ANKRD11: variants seen among roughly 807,000 people sequenced by gnomAD.
The protein encoded by ANKRD11 is ankyrin repeat domain-containing protein 11.
A neutral mutation model predicts 195.7 loss-of-function variants in ANKRD11; 17 were observed. The ratio of observed to expected loss-of-function variants is 0.09; its 90% CI spans 0.06 to 0.13. ANKRD11 has a LOEUF of 0.13. Ranked by LOEUF, ANKRD11 falls within the 10% of genes least tolerant of loss-of-function variation. The pLI is 1.00. For missense variants in ANKRD11, 3,735 were observed against 3,566.1 expected (o/e 1.05, Z -1.21); for synonymous variants, 1,953 against 1,528.1 (o/e 1.28, Z -6.49).
chr16:89,281,136 T>A lies in ANKRD11; in HGVS notation c.5406A>T (p.Glu1802Asp). 6.2e-7 allele frequency: 1 copy of A among 1,613,232 alleles called. No individual in the cohort carries two copies. Among genetic ancestry groups the A allele is most frequent in the Non-Finnish European group, 8.5e-7 (1 of 1,179,266 alleles). The change falls in exon 9 of 13, where the codon GAA (glutamate) becomes GAT (aspartate). Residue 1802 changes from glutamate (E) to aspartate (D), a missense_variant. Transcript: ENST00000301030. The surrounding 1 kb of genome is among the most constrained non-coding windows in gnomAD (Gnocchi z 5.5). Reference protein sequence around the residue: ...SVDIRRTPEEEFSVGDKLFRQ... With the variant: ...SVDIRRTPEEDFSVGDKLFRQ... Reference sequence around the variant, plus strand: ...TGAAGAGCTTGTCTCCGACGCTGAATTCTTCCTCGGGGGTCCTCCTAATGT... The same window carrying A: ...TGAAGAGCTTGTCTCCGACGCTGAAATCTTCCTCGGGGGTCCTCCTAATGT...
intron 1 of ANKRD11, among the ~76,000 whole-genome samples, chr16:89,450,107 C>A (rs2044002628): frequency 6.6e-6 from 1 of 152,234 alleles, no homozygotes. Flanking sequence ...GTGTCACACT[C>A]TGCTCCAGCT....
chr16:89,462,274 T>C (rs1019196474), intron 1 of ANKRD11, among the ~76,000 whole-genome samples: 4 of 152,200 alleles, frequency 2.6e-5, no homozygotes, highest in African/African-American at 9.6e-5. Context: ...TTTCGCTGTG[T>C]TGGCCAGGCC....
chr16:89,472,359 CT>C (rs1567853102), intron 1 of ANKRD11, among the ~76,000 whole-genome samples: 1 of 152,030 alleles, frequency 6.6e-6, no homozygotes, highest in Non-Finnish European at 1.5e-5. Context: ...ATCAGGAGAT[CT>C]GCACATTTAC....
rs1333799985 is a variant in ANKRD11, at chr16:89,288,608, C to T, written c.664G>A (p.Ala222Thr). The T allele has an allele frequency of 6.2e-7, 1 of 1,614,140 alleles. No individual in the cohort carries two copies. Among genetic ancestry groups the T allele is most frequent in the South Asian group, 1.1e-5 (1 of 91,086 alleles). The change falls in exon 7 of 13, where the codon GCT (alanine) becomes ACT (threonine). Residue 222 changes from alanine to threonine, a missense_variant. Physicochemically the swap from Ala to Thr is moderately conservative, Grantham distance 58 (BLOSUM62 0). Transcript: ENST00000301030. ...TTGGTGTTCACCTCCGCACCTGCAG[C>T]CAGCAGCTGCTTCGCGACGTCGTAG... ...GYYDVAKQLL[A>T]AGAEVNTKGL...
At chr16:89,319,258 C>A (rs1455364615) in intron 2 of ANKRD11, among the ~76,000 whole-genome samples, 1 of 152,176 alleles carries the variant, frequency 6.6e-6, no homozygotes, top group Non-Finnish European at 1.5e-5. Flanking sequence ...CCCGACAGTG[C>A]GGGGCTTATC....
At chr16:89,356,243 T>C (rs980042720) in intron 2 of ANKRD11, among the ~76,000 whole-genome samples, 4 of 152,058 alleles carry the variant, frequency 2.6e-5, no homozygotes, top group Admixed American at 2.6e-4. Flanking sequence ...AAAAACTGAT[T>C]ACAGACTTTC....
intron 2 of ANKRD11, among the ~76,000 whole-genome samples, chr16:89,376,303 C>T (rs3102339): frequency 0.61 from 92,334 of 152,016 alleles, 28,202 homozygotes; most frequent in Middle Eastern, 0.75. Flanking sequence ...GATGGTTTGA[C>T]AGTTTTAGAA....
Position 89,282,564 on chromosome 16 carries a change from C to G in ANKRD11, c.3978G>C (p.Thr1326=). 1.2e-6 allele frequency: 2 copies of G among 1,614,006 alleles called. No homozygotes were observed. The highest frequency in any genetic ancestry group is 1.7e-6 in the Non-Finnish European group (2 of 1,179,954). The change falls in exon 9 of 13, where the codon ACG becomes ACC. Residue 1326 remains threonine (T), a synonymous_variant. Coordinates refer to ENST00000301030, the MANE Select transcript of ANKRD11 (RefSeq NM_013275.6). ...GLTAFLEVSF[T]EPPGDDKPRE... ...TCGGCTTGTCGTCTCCAGGTGGCTCCGTGAAAGAGACCTCCAGGAAGGCAG... is the reference window on the plus strand; with the variant it reads ...TCGGCTTGTCGTCTCCAGGTGGCTCGGTGAAAGAGACCTCCAGGAAGGCAG...
At chr16:89,382,752 T>C (rs975668390) in intron 2 of ANKRD11, among the ~76,000 whole-genome samples, 2 of 152,212 alleles carry the variant, frequency 1.3e-5, no homozygotes, top group African/African-American at 4.8e-5. Context: ...AGTGCTGAGA[T>C]TATAGGTGTG....
intron 2 of ANKRD11, among the ~76,000 whole-genome samples, chr16:89,370,951 T>C (rs1348341354): frequency 6.6e-6 from 1 of 151,914 alleles, no homozygotes; most frequent in East Asian, 1.9e-4. Context: ...AACCAAGCCC[T>C]GCGGACACCA....
intron 4 of ANKRD11, among the ~76,000 whole-genome samples, chr16:89,302,870 C>T (rs550449477): frequency 6.6e-6 from 1 of 152,314 alleles, no homozygotes; most frequent in Non-Finnish European, 1.5e-5. Flanking sequence ...TGGTGTTCAA[C>T]ACGCAGTTCC....
At chr16:89,431,531 G>A (rs374994366) in intron 1 of ANKRD11, among the ~76,000 whole-genome samples, 2 of 152,088 alleles carry the variant, frequency 1.3e-5, no homozygotes, top group African/African-American at 4.8e-5. Context: ...GCATGGTCTC[G>A]CAGTAGCACT....
chr16:89,427,809 A>G (rs2042780524), intron 1 of ANKRD11, among the ~76,000 whole-genome samples: 1 of 151,912 alleles, frequency 6.6e-6, no homozygotes, highest in Non-Finnish European at 1.5e-5. Context: ...AAAAAAGTCT[A>G]GTAATCGTAT....
chr16:89,455,070 C>T (rs111230732), intron 1 of ANKRD11, among the ~76,000 whole-genome samples: 8 of 69,942 alleles, frequency 1.1e-4, no homozygotes, highest in African/African-American at 1.1e-4. Context: ...TCAAGCTGCT[C>T]CCCTGGGTGC....
chr16:89,370,022 C>G (rs1430895791), intron 2 of ANKRD11, among the ~76,000 whole-genome samples: 1 of 152,174 alleles, frequency 6.6e-6, no homozygotes, highest in Non-Finnish European at 1.5e-5. Flanking sequence ...AAGAGCCAGG[C>G]CAAGACCATC....
chr16:89,469,831 GC>G (rs200947473), intron 1 of ANKRD11, among the ~76,000 whole-genome samples: 150,539 of 150,548 alleles, frequency 1, 75,265 homozygotes, highest in Middle Eastern at 1. Flanking sequence ...CCCGGGAGCG[GC>G]AGTTGCAGGG....
chr16:89,403,778 A>G (rs1017380803), intron 2 of ANKRD11: 1 of 152,090 alleles, frequency 6.6e-6, no homozygotes, highest in African/African-American at 2.4e-5. Context: ...AGTAAAAATA[A>G]AAAAATTAGG....
chr16:89,281,418 C>T lies in ANKRD11; in HGVS notation c.5124G>A (p.Ser1708=), dbSNP rs746723349. ...CCTCGTAGCTGGGGCAGGATAGCAC[C>T]GACGTAGGGGTGGGCACGCCAGTGG... ...SRPTGVPTPT[S]VLSCPSYEEV... is the part of the protein sequence containing the mutation. The change falls in exon 9 of 13, where the codon TCG becomes TCA. Residue 1708 remains serine, a synonymous_variant. Coordinates refer to ENST00000301030, the MANE Select transcript of ANKRD11 (RefSeq NM_013275.6). This position sits in a 1 kb window ranked among gnomAD's most constrained non-coding sequence, Gnocchi z 5.5. The T allele has an allele frequency of 2.5e-6, 4 of 1,610,890 alleles. No homozygotes were observed. Among genetic ancestry groups the T allele is most frequent in the South Asian group, 2.2e-5 (2 of 90,968 alleles).
intron 2 of ANKRD11, among the ~76,000 whole-genome samples, chr16:89,336,492 C>T (rs2038360896): frequency 6.6e-6 from 1 of 152,228 alleles, no homozygotes; most frequent in Non-Finnish European, 1.5e-5. Flanking sequence ...AGGAGGACTC[C>T]TGTAGCAGGA....
Sources: allele counts gnomAD v4.1 joint callset (sites outside exome capture counted in the v4.1 genomes callset), GRCh38; gene constraint gnomAD v4.1.1; non-coding constraint Gnocchi (gnomAD v3.1); transcripts MANE v1.5; gene names NCBI Gene and HGNC (gene_info 2026-07-23, HGNC 2026-07-21).